The following NTNG1 variants were observed in gnomAD, a reference collection of about 807,000 sequenced individuals.
NTNG1 encodes the protein netrin G1.
NTNG1 carries 16 observed loss-of-function variants against 54.0 expected under a neutral mutation model. That is an observed-to-expected ratio of 0.30 (90% CI 0.20 to 0.45). The LOEUF is 0.45. NTNG1 is among the 20% of genes least tolerant of loss of function. The pLI, the probability that NTNG1 is intolerant of heterozygous loss-of-function variation, is 1.00. For synonymous variants in NTNG1, 255 were observed against 263.1 expected, an observed-to-expected ratio of 0.97 and a Z score of 0.30; for missense variants, 530 against 678.7, an observed-to-expected ratio of 0.78 and a Z score of 2.43.
At chr1:107,396,442 T>A (rs979855087) in intron 4 of NTNG1, among the ~76,000 whole-genome samples, 1 of 152,180 alleles carries the variant, frequency 6.6e-6, no homozygotes, top group Non-Finnish European at 1.5e-5. Flanking sequence ...TTCAAAAGGT[T>A]TAAAAAAATC....
intron 3 of NTNG1, among the ~76,000 whole-genome samples, chr1:107,342,409 A>G (rs1451174423): frequency 6.6e-6 from 1 of 152,134 alleles, no homozygotes; most frequent in Non-Finnish European, 1.5e-5. Flanking sequence ...TAAAAAATGT[A>G]AAATATAAAG....
intron 2 of NTNG1, among the ~76,000 whole-genome samples, chr1:107,292,213 T>C (rs570260705): frequency 6.6e-6 from 1 of 152,292 alleles, no homozygotes; most frequent in South Asian, 2.1e-4. Flanking sequence ...GAAATACCAG[T>C]GTTGCCAGTG....
chr1:107,159,563 T>C (rs1193019132), intron 2 of NTNG1, among the ~76,000 whole-genome samples: 2 of 152,182 alleles, frequency 1.3e-5, no homozygotes, highest in Non-Finnish European at 2.9e-5. Flanking sequence ...TAAATAATTA[T>C]TCTAAGTAAG....
At chr1:107,385,356 T>C (rs1289936911) in intron 3 of NTNG1, among the ~76,000 whole-genome samples, 1 of 152,094 alleles carries the variant, frequency 6.6e-6, no homozygotes, top group African/African-American at 2.4e-5. Context: ...GTCTCTGCCA[T>C]AGTCCATGTG....
At chr1:107,395,373 G>A in intron 4 of NTNG1, 47 bp downstream of exon 4, 1 of 1,505,550 alleles carries the variant, frequency 6.6e-7, no homozygotes, top group Non-Finnish European at 9.2e-7. Context: ...ACCATGAGGT[G>A]ATAGTTCCTC....
intron 3 of NTNG1, among the ~76,000 whole-genome samples, chr1:107,388,899 T>C (rs1672187788): frequency 6.6e-6 from 1 of 152,184 alleles, no homozygotes; most frequent in South Asian, 2.1e-4. Flanking sequence ...TATCACTCTT[T>C]TAAAAAGATA....
intron 3 of NTNG1, among the ~76,000 whole-genome samples, chr1:107,332,049 A>G (rs1026785477): frequency 6.6e-6 from 1 of 152,130 alleles, no homozygotes; most frequent in Non-Finnish European, 1.5e-5. Flanking sequence ...TAGAATAAAG[A>G]CTTTATCGTA....
chr1:107,378,847 C>T (rs898132632), intron 3 of NTNG1, among the ~76,000 whole-genome samples: 4 of 152,132 alleles, frequency 2.6e-5, no homozygotes, highest in Admixed American at 2.6e-4. Context: ...TGACACCAAT[C>T]AATGGTGACT....
chr1:107,392,903 G>A (rs1672455045), intron 3 of NTNG1, among the ~76,000 whole-genome samples: 1 of 152,180 alleles, frequency 6.6e-6, no homozygotes, highest in African/African-American at 2.4e-5. Flanking sequence ...GTTATGTACA[G>A]TGGTCAGGAT....
At chr1:107,185,733 T>G (rs1657409070) in intron 2 of NTNG1, among the ~76,000 whole-genome samples, 1 of 152,112 alleles carries the variant, frequency 6.6e-6, no homozygotes, top group African/African-American at 2.4e-5. Context: ...TACTGAGGTT[T>G]AAAGGGAGGA....
chr1:107,386,165 A>ATATAT (rs1307492654), intron 3 of NTNG1, among the ~76,000 whole-genome samples: 11 of 120,776 alleles, frequency 9.1e-5, no homozygotes, highest in Non-Finnish European at 1.3e-4. Flanking sequence ...ATATATATAT[A>ATATAT]TTTTTTTTTT....
At chr1:107,358,459 A>G (rs1246676021) in intron 3 of NTNG1, among the ~76,000 whole-genome samples, 1 of 151,728 alleles carries the variant, frequency 6.6e-6, no homozygotes. Context: ...GTTCTGGATG[A>G]GTCTGTCTAA....
chr1:107,464,686 T>C (rs1281592541), intron 7 of NTNG1, among the ~76,000 whole-genome samples: 1 of 152,084 alleles, frequency 6.6e-6, no homozygotes, highest in African/African-American at 2.4e-5. Context: ...TCCATGCAGG[T>C]CTTAGCTTCA....
At chr1:107,426,253 T>C (rs868450604) in intron 5 of NTNG1, among the ~76,000 whole-genome samples, 12 of 152,244 alleles carry the variant, frequency 7.9e-5, no homozygotes, top group African/African-American at 2.9e-4. Flanking sequence ...CCTAGGCTGA[T>C]GTGCAAAAGA....
chr1:107,388,208 T>G (rs1373467513), intron 3 of NTNG1, among the ~76,000 whole-genome samples: 1 of 152,188 alleles, frequency 6.6e-6, no homozygotes, highest in Non-Finnish European at 1.5e-5. Context: ...GTAGTAGAGA[T>G]AGTAACTATA....
intron 2 of NTNG1, among the ~76,000 whole-genome samples, chr1:107,202,877 T>C (rs569757244): frequency 6.0e-4 from 91 of 152,056 alleles, no homozygotes; most frequent in African/African-American, 2.0e-3. Context: ...CCCTTTTTCA[T>C]CTAAATGTAA....
rs72701266 is a variant in NTNG1, at chr1:107,483,806, A to G, written c.*2966A>G. Reference sequence around the variant, plus strand: ...TATCAATAATATTGATGGGCATAACATTTCAAAAAATGGGACAAAGGTTCA... The same window carrying G: ...TATCAATAATATTGATGGGCATAACGTTTCAAAAAATGGGACAAAGGTTCA... On this transcript the variant is annotated 3_prime_UTR_variant, in exon 8 of 8. Transcript: ENST00000370068. Among the ~76,000 whole-genome samples the G allele has an allele frequency of 1.3e-5, 2 of 152,212 alleles. No individual in the cohort carries two copies. The highest frequency in any genetic ancestry group is 2.9e-5 in the Non-Finnish European group (2 of 68,042).
chr1:107,293,825 T>C (rs546755560), intron 2 of NTNG1, among the ~76,000 whole-genome samples: 8 of 152,318 alleles, frequency 5.3e-5, no homozygotes, highest in African/African-American at 1.4e-4. Flanking sequence ...TAACTGAATA[T>C]AGAGTGAAAT....
At chr1:107,334,937 G>T (rs1035946671) in intron 3 of NTNG1, among the ~76,000 whole-genome samples, 20 of 152,110 alleles carry the variant, frequency 1.3e-4, no homozygotes, top group African/African-American at 4.6e-4. Flanking sequence ...GACTGCAAGA[G>T]AATTGGAGCT....
Sources: allele counts gnomAD v4.1 joint callset (sites outside exome capture counted in the v4.1 genomes callset), GRCh38; gene constraint gnomAD v4.1.1; transcripts MANE v1.5; gene names NCBI Gene and HGNC (gene_info 2026-07-23, HGNC 2026-07-21).